SPOCK1: variants seen among roughly 807,000 people sequenced by gnomAD.
The protein encoded by SPOCK1 is testican-1.
A neutral mutation model predicts 55.3 loss-of-function variants in SPOCK1; 23 were observed. The ratio of observed to expected loss-of-function variants is 0.42; its 90% CI spans 0.30 to 0.59. The LOEUF (loss-of-function observed/expected upper bound fraction) is 0.59, where lower values mean the gene tolerates loss of function less well. Ranked by LOEUF, SPOCK1 falls within the 20% of genes least tolerant of loss-of-function variation. The probability of loss-of-function intolerance (pLI) is 0.22; values close to 1 mark genes in which losing one functional copy is unlikely to be tolerated. For synonymous variants in SPOCK1, 226 were observed against 221.0 expected, an observed-to-expected ratio of 1.02 and a Z score of -0.20; for missense variants, 499 against 552.5, an observed-to-expected ratio of 0.90 and a Z score of 0.97.
chr5:137,069,422 C>A (rs1294515540), intron 5 of SPOCK1, among the ~76,000 whole-genome samples: 1 of 152,166 alleles, frequency 6.6e-6, no homozygotes, highest in Non-Finnish European at 1.5e-5. Context: ...TAAGCCATTG[C>A]CCACGTCTCA....
chr5:137,307,666 T>C (rs1757720934), intron 2 of SPOCK1, among the ~76,000 whole-genome samples: 1 of 152,240 alleles, frequency 6.6e-6, no homozygotes, highest in South Asian at 2.1e-4. Flanking sequence ...CTTTTAGTCA[T>C]TGGTGACCAC....
At chr5:136,990,425 TA>T (rs61532412) in intron 7 of SPOCK1, among the ~76,000 whole-genome samples, 5,655 of 141,366 alleles carry the variant, frequency 0.04, 100 homozygotes, top group Middle Eastern at 0.077. Flanking sequence ...AGTGCTCAAT[TA>T]AAAAAAAAAA....
intron 7 of SPOCK1, among the ~76,000 whole-genome samples, chr5:136,991,074 A>G (rs1750939658): frequency 6.6e-6 from 1 of 152,162 alleles, no homozygotes. Flanking sequence ...TTGCTTCAGG[A>G]TATCAAACCT....
chr5:137,293,109 TTTTTTTTTTTTTG>T (rs1757406438), intron 2 of SPOCK1, among the ~76,000 whole-genome samples: 1 of 123,918 alleles, frequency 8.1e-6, no homozygotes, highest in African/African-American at 2.7e-5. Flanking sequence ...TTTTTTTTTT[TTTTTTTTTTTTTG>T]ATGCACATTG....
rs564821903 is a variant in SPOCK1 at position 137,340,114 on chromosome 5, C to T, written c.187-73059G>A. Among the ~76,000 whole-genome samples the T allele has an allele frequency of 5.9e-4, 90 of 152,092 alleles. 1 individual carries two copies. Among genetic ancestry groups the T allele is most frequent in the Admixed American group, 1.8e-3 (27 of 15,278 alleles). ...AGAAAAAAAAAACACTTGATTAAAACACACACCAGAAAAGGTAGACAGTTA... is the reference window on the plus strand; with the variant it reads ...AGAAAAAAAAAACACTTGATTAAAATACACACCAGAAAAGGTAGACAGTTA... On this transcript the variant is annotated intron_variant, in intron 2 of 10. Coordinates refer to ENST00000394945, the MANE Select transcript of SPOCK1 (RefSeq NM_004598.4).
At chr5:137,092,448 C>T (rs1293766995) in intron 5 of SPOCK1, among the ~76,000 whole-genome samples, 2 of 152,326 alleles carry the variant, frequency 1.3e-5, no homozygotes, top group African/African-American at 4.8e-5. Context: ...GCGCTTCTGC[C>T]AGAGGCCCTT....
At chr5:136,994,655 C>G (rs1413403210) in intron 6 of SPOCK1, among the ~76,000 whole-genome samples, 1 of 151,136 alleles carries the variant, frequency 6.6e-6, no homozygotes, top group African/African-American at 2.4e-5. Context: ...TGGCTTTAGC[C>G]ACATAAAATA....
chr5:137,148,662 C>T (rs377604567), intron 3 of SPOCK1, among the ~76,000 whole-genome samples: 1 of 152,186 alleles, frequency 6.6e-6, no homozygotes, highest in African/African-American at 2.4e-5. Context: ...GAGACAATGA[C>T]AACGACCAAC....
chr5:137,136,307 A>G (rs1753985169), intron 4 of SPOCK1, among the ~76,000 whole-genome samples: 1 of 152,256 alleles, frequency 6.6e-6, no homozygotes, highest in South Asian at 2.1e-4. Context: ...AAAATGTATA[A>G]CTATATTGCT....
intron 3 of SPOCK1, among the ~76,000 whole-genome samples, chr5:137,250,474 A>G (rs960585874): frequency 3.3e-5 from 5 of 152,214 alleles, no homozygotes; most frequent in East Asian, 1.9e-4. Context: ...ACATTTTAAC[A>G]TTGAAATCAG....
chr5:137,087,784 G>A (rs766817052), intron 5 of SPOCK1, among the ~76,000 whole-genome samples: 6 of 152,218 alleles, frequency 3.9e-5, no homozygotes, highest in Non-Finnish European at 7.3e-5. Context: ...AGCCCCACGA[G>A]AGGGAGAACA....
At chr5:137,223,000 T>C (rs1468822768) in intron 3 of SPOCK1, among the ~76,000 whole-genome samples, 1 of 151,462 alleles carries the variant, frequency 6.6e-6, no homozygotes, top group Non-Finnish European at 1.5e-5. Flanking sequence ...GAAGTGATAA[T>C]GAAAAAAACT....
intron 4 of SPOCK1, among the ~76,000 whole-genome samples, chr5:137,120,370 T>C (rs1208809139): frequency 6.6e-6 from 1 of 152,192 alleles, no homozygotes; most frequent in African/African-American, 2.4e-5. Flanking sequence ...GAAGGATATG[T>C]GTCTGGTATG....
chr5:136,985,897 G>C (rs1750831676), intron 8 of SPOCK1, among the ~76,000 whole-genome samples: 1 of 152,202 alleles, frequency 6.6e-6, no homozygotes, highest in African/African-American at 2.4e-5. Flanking sequence ...TGCCTTTGCA[G>C]ACCTTGTGGC....
intron 6 of SPOCK1, among the ~76,000 whole-genome samples, chr5:137,033,938 C>T (rs1171345278): frequency 3.3e-5 from 5 of 152,220 alleles, no homozygotes; most frequent in African/African-American, 9.6e-5. Context: ...TATTCCTAAT[C>T]ACACACTGTG....
At chr5:137,058,567 C>T (rs533398447) in intron 6 of SPOCK1, among the ~76,000 whole-genome samples, 1 of 152,078 alleles carries the variant, frequency 6.6e-6, no homozygotes, top group African/African-American at 2.4e-5. Context: ...AAAATCTAGA[C>T]AAAAAGACTT....
intron 4 of SPOCK1, among the ~76,000 whole-genome samples, chr5:137,124,684 G>A (rs1362282335): frequency 6.6e-6 from 1 of 152,084 alleles, no homozygotes; most frequent in Admixed American, 6.6e-5. Flanking sequence ...CAGATCCAAG[G>A]CCATTCTGCA....
intron 9 of SPOCK1, among the ~76,000 whole-genome samples, chr5:136,980,655 C>T (rs1437243887): frequency 6.6e-6 from 1 of 152,190 alleles, no homozygotes; most frequent in East Asian, 1.9e-4. Context: ...CCATGTGGAA[C>T]TGTGAGTCCA....
At chr5:137,182,644 T>C (rs1236887365) in intron 3 of SPOCK1, among the ~76,000 whole-genome samples, 1 of 152,098 alleles carries the variant, frequency 6.6e-6, no homozygotes, top group East Asian at 1.9e-4. Flanking sequence ...CAGTTCTGCT[T>C]CTGGGTTTGC....
Sources: gnomAD v4.1 joint callset for allele counts (sites outside exome capture counted in the v4.1 genomes callset) on GRCh38, gnomAD v4.1.1 for gene constraint, MANE v1.5 for transcripts, NCBI Gene and HGNC (gene_info 2026-07-23, HGNC 2026-07-21) for gene names.